Variants in DMD observed in about 807,000 individuals in gnomAD.
The protein encoded by DMD is dystrophin.
In DMD, 63 loss-of-function variants were observed where a neutral mutation model predicts 330.1. The ratio of observed to expected loss-of-function variants is 0.19; its 90% CI spans 0.16 to 0.24. The LOEUF (loss-of-function observed/expected upper bound fraction) is 0.24, where lower values mean the gene tolerates loss of function less well. DMD is among the 10% of genes least tolerant of loss of function. DMD has a pLI of 1.00. For missense variants in DMD, 3,344 were observed against 2,684.1 expected (o/e 1.25, Z -5.43); for synonymous variants, 1,223 against 959.8 (o/e 1.27, Z -5.07).
At chrX:32,884,920 T>C (rs2084370089) in intron 2 of DMD, among the ~76,000 whole-genome samples, 1 of 111,714 alleles carries the variant, frequency 9.0e-6, no homozygotes, top group African/African-American at 3.3e-5. Context: ...AGTTCTTAAA[T>C]TTCAGGCTGT....
intron 2 of DMD, among the ~76,000 whole-genome samples, chrX:33,019,612 G>T (rs913793108): frequency 4.5e-5 from 5 of 111,311 alleles, no homozygotes; most frequent in African/African-American, 6.5e-5. Flanking sequence ...AAATTGAGTT[G>T]TATTTGCAAA....
intron 11 of DMD, among the ~76,000 whole-genome samples, chrX:32,622,390 T>C (rs994609173): frequency 1.8e-5 from 2 of 112,102 alleles, no homozygotes; most frequent in East Asian, 5.6e-4. Flanking sequence ...TTCTTTTCCT[T>C]ACTACAGGCC....
At chrX:32,359,347 C>A (rs1369959073) in intron 37 of DMD, among the ~76,000 whole-genome samples, 1 of 111,894 alleles carries the variant, frequency 8.9e-6, no homozygotes, top group African/African-American at 3.2e-5. Flanking sequence ...TTCAAGGGCT[C>A]TTTAGAGTTA....
At chrX:31,730,992 G>C (rs1280081295) in intron 51 of DMD, among the ~76,000 whole-genome samples, 1 of 111,835 alleles carries the variant, frequency 8.9e-6, no homozygotes, top group Non-Finnish European at 1.9e-5. Context: ...ATTCTGTAGT[G>C]TTTCTTCTGT....
rs1362821715 is a variant in DMD, at chrX:31,435,327, A to G, written c.9084+9154T>C. Among the ~76,000 whole-genome samples the G allele has an allele frequency of 2.7e-5, 3 of 111,830 alleles. No homozygotes were observed. In the East Asian group the frequency reaches 8.3e-4, roughly 31 times the overall value. On this transcript the variant is annotated intron_variant, in intron 60 of 78. Transcript: ENST00000357033. ...CCATATGACTACATTGATTGTCTGAATAAAGTAAAACTATGTATAAAGGCT... is the reference window on the plus strand; with the variant it reads ...CCATATGACTACATTGATTGTCTGAGTAAAGTAAAACTATGTATAAAGGCT...
intron 4 of DMD, among the ~76,000 whole-genome samples, chrX:32,836,198 A>AC (rs1429486002): frequency 2.0e-5 from 2 of 101,758 alleles, no homozygotes; most frequent in Non-Finnish European, 2.0e-5. Flanking sequence ...CACCCGTCTA[A>AC]TTTTTTTTTT....
chrX:32,240,756 G>A (rs989111803), intron 43 of DMD, among the ~76,000 whole-genome samples: 8 of 111,068 alleles, frequency 7.2e-5, no homozygotes, highest in Non-Finnish European at 1.3e-4. Context: ...AACTAATCCT[G>A]TTGTCCAAAT....
intron 2 of DMD, among the ~76,000 whole-genome samples, chrX:32,888,565 A>G (rs1335349097): frequency 2.7e-5 from 3 of 111,932 alleles, no homozygotes; most frequent in Non-Finnish European, 3.8e-5. Flanking sequence ...TAATGGGAAC[A>G]TAAATAGGTA....
At chrX:33,118,339 T>C (rs2148473146) in intron 1 of DMD, among the ~76,000 whole-genome samples, 1 of 110,283 alleles carries the variant, frequency 9.1e-6, no homozygotes, top group South Asian at 3.9e-4. Context: ...CTCGATCTCC[T>C]GACCTCGTGA....
At chrX:32,877,885 G>T (rs753457392) in intron 2 of DMD, among the ~76,000 whole-genome samples, 5 of 111,700 alleles carry the variant, frequency 4.5e-5, no homozygotes, top group Non-Finnish European at 9.4e-5. Context: ...CTTTGCCTGC[G>T]ATTGCTCCTT....
At chrX:32,594,503 T>C (rs2055295796) in intron 13 of DMD, among the ~76,000 whole-genome samples, 2 of 111,393 alleles carry the variant, frequency 1.8e-5, no homozygotes, top group Non-Finnish European at 3.8e-5. Context: ...ATTGTTTTTC[T>C]TTTAGGGGAT....
At chrX:31,522,351 C>CTATATA (rs2072859739) in intron 55 of DMD, among the ~76,000 whole-genome samples, 1 of 64,911 alleles carries the variant, frequency 1.5e-5, no homozygotes, top group African/African-American at 8.1e-5. Context: ...CTCTCTCTCT[C>CTATATA]TCTCTCTCTC....
chrX:32,778,364 T>C (rs112246205), intron 7 of DMD, among the ~76,000 whole-genome samples: 7,047 of 110,520 alleles, frequency 0.064, 213 homozygotes, highest in Middle Eastern at 0.1. Context: ...ACTTCTACCA[T>C]TGAGGGCAGT....
intron 60 of DMD, among the ~76,000 whole-genome samples, chrX:31,396,243 T>A (rs1469671246): frequency 9.2e-6 from 1 of 108,594 alleles, no homozygotes; most frequent in East Asian, 2.9e-4. Flanking sequence ...GTTCACGCCA[T>A]TCTCCTGCCT....
At chrX:32,375,395 T>G (rs1229927631) in intron 34 of DMD, among the ~76,000 whole-genome samples, 1 of 112,392 alleles carries the variant, frequency 8.9e-6, no homozygotes, top group Non-Finnish European at 1.9e-5. Flanking sequence ...CATGCTCTTT[T>G]GAAACCAATA....
At chrX:32,303,541 A>T (rs2097530654) in intron 42 of DMD, among the ~76,000 whole-genome samples, 1 of 111,378 alleles carries the variant, frequency 9.0e-6, no homozygotes, top group African/African-American at 3.3e-5. Flanking sequence ...TATTGTCGTC[A>T]TATTTTGGGA....
chrX:33,255,479 C>T (rs181683471), intron 1 of DMD, among the ~76,000 whole-genome samples: 13 of 110,937 alleles, frequency 1.2e-4, no homozygotes, highest in Admixed American at 9.6e-4. Context: ...CCATATAAAT[C>T]GGATTTATAT....
At chrX:31,913,868 A>T (rs922759253) in intron 47 of DMD, among the ~76,000 whole-genome samples, 13 of 112,316 alleles carry the variant, frequency 1.2e-4, no homozygotes, top group Non-Finnish European at 2.3e-4. Flanking sequence ...AGAACTAGAG[A>T]ACTTCAGTGA....
chrX:31,483,175 T>C (rs953897113), intron 57 of DMD, among the ~76,000 whole-genome samples: 1 of 106,411 alleles, frequency 9.4e-6, no homozygotes, highest in Non-Finnish European at 1.9e-5. Flanking sequence ...GCCTCCCGAG[T>C]AGCTGGGACT....
Sources: allele counts gnomAD v4.1 joint callset (sites outside exome capture counted in the v4.1 genomes callset), GRCh38; gene constraint gnomAD v4.1.1; transcripts MANE v1.5; gene names NCBI Gene and HGNC (gene_info 2026-07-23, HGNC 2026-07-21).